TIAL1: variants seen among roughly 807,000 people sequenced by gnomAD.
The protein encoded by TIAL1 is TIA1 cytotoxic granule associated RNA binding protein like 1, also known as nucleolysin TIAR.
In TIAL1, 7 loss-of-function variants were observed where a neutral mutation model predicts 59.7. The observed-to-expected ratio is 0.12, with a 90% confidence interval of 0.07 to 0.22. The LOEUF is 0.22. TIAL1 is among the 10% of genes least tolerant of loss of function. The pLI is 1.00. For missense variants in TIAL1, 225 were observed against 462.5 expected, an observed-to-expected ratio of 0.49 and a Z score of 4.71; for synonymous variants, 149 against 146.3, an observed-to-expected ratio of 1.02 and a Z score of -0.13.
chr10:119,594,788 C>T (rs908868906), intron 1 of TIAL1, among the ~76,000 whole-genome samples: 1 of 152,146 alleles, frequency 6.6e-6, no homozygotes, highest in Non-Finnish European at 1.5e-5. Context: ...CCACGCCCAG[C>T]TAATTTTTGT....
chr10:119,580,784 G>A, intron 5 of TIAL1: 1 of 1,120,430 alleles, frequency 8.9e-7, no homozygotes, highest in African/African-American at 1.7e-5. Flanking sequence ...CTACAACTGA[G>A]TTCCAGTGTG....
chr10:119,593,511 T>G, intron 1 of TIAL1: 1 of 985,818 alleles, frequency 1.0e-6, no homozygotes, highest in Non-Finnish European at 1.2e-6. Context: ...AGCTTGTGTG[T>G]GTCTGCAGGA....
intron 2 of TIAL1, 102 bp downstream of exon 2, chr10:119,588,050 A>ATCTC: frequency 1.6e-6 from 1 of 634,844 alleles, no homozygotes. Context: ...CACAACACAA[A>ATCTC]TCTCTCCACC....
chr10:119,588,179 G>C lies in TIAL1; in HGVS notation c.102C>G (p.Pro34=), dbSNP rs1589877632. The C allele has an allele frequency of 6.3e-7, 1 of 1,593,774 alleles. No homozygotes were observed. Among genetic ancestry groups the C allele is most frequent in the East Asian group, 2.3e-5 (1 of 44,280 alleles). The part of the protein sequence containing the change: ...LILQLFSQIG[P]CKSCKMITEH... ...CTGTTATCATTTTACAGCTTTTACA[G>C]GGTCCAATCTGACTGAACAACTGAA... Residue 34 remains proline, a synonymous_variant, in exon 2 of 12, where the codon CCC becomes CCG. Coordinates refer to ENST00000436547, the MANE Select transcript of TIAL1 (RefSeq NM_003252.4).
At chr10:119,576,552 C>T (rs1747237084) in intron 11 of TIAL1, 59 bp downstream of exon 11, 6 of 1,580,150 alleles carry the variant, frequency 3.8e-6, no homozygotes, top group Middle Eastern at 1.7e-4. Context: ...GGAAAACACA[C>T]TTTTATTTAT....
At chr10:119,591,078 A>G (rs1357641507) in intron 1 of TIAL1, among the ~76,000 whole-genome samples, 1 of 152,122 alleles carries the variant, frequency 6.6e-6, no homozygotes, top group African/African-American at 2.4e-5. Flanking sequence ...TCTATATCTA[A>G]TAGTCACAAA....
At chr10:119,577,017 C>T in intron 10 of TIAL1, 63 bp downstream of exon 10, 1 of 1,580,144 alleles carries the variant, frequency 6.3e-7, no homozygotes, top group Non-Finnish European at 8.6e-7. Context: ...TACAGAGTTT[C>T]CAAAGCTTTT....
In TIAL1 at chr10:119,574,939, A is replaced by G. The variant is rs1408456659; in HGVS notation, c.*726T>C. 2.0e-5 allele frequency: 3 copies of G among 152,638 alleles called. No homozygotes were observed. Among genetic ancestry groups the G allele is most frequent in the African/African-American group, 7.2e-5 (3 of 41,446 alleles). 9.5% of individuals were successfully genotyped at this position (152,638 alleles called of 1,614,324 possible). The stretch of plus-strand genomic sequence containing the variant: ...ATGACTGTCTGACTTCAATACAAAC[A>G]CCATACTTGGATTTCCCCCCAAAAT... On this transcript the variant is annotated 3_prime_UTR_variant, in exon 12 of 12. Coordinates refer to ENST00000436547, the MANE Select transcript of TIAL1 (RefSeq NM_003252.4).
At chr10:119,585,519 G>A (rs1845527460) in intron 2 of TIAL1, among the ~76,000 whole-genome samples, 1 of 151,738 alleles carries the variant, frequency 6.6e-6, no homozygotes, top group South Asian at 2.1e-4. Flanking sequence ...TTTGTTGGAT[G>A]ACATAAATGT....
chr10:119,584,115 G>A (rs1032891376), intron 2 of TIAL1, among the ~76,000 whole-genome samples: 1 of 152,096 alleles, frequency 6.6e-6, no homozygotes. Context: ...TAGTCTACTC[G>A]TGAATACCAA....
intron 2 of TIAL1, among the ~76,000 whole-genome samples, chr10:119,587,637 AAAAG>A (rs987131714): frequency 2.6e-5 from 4 of 152,180 alleles, no homozygotes; most frequent in African/African-American, 7.2e-5. Flanking sequence ...CCAAAAAAAA[AAAAG>A]AAAGCTGATC....
At position 119,575,722 on chromosome 10, in the gene TIAL1, A is replaced by G. The variant is rs1246281503; in HGVS notation, c.1071T>C (p.Pro357=). Residue 357 remains proline (P), a synonymous_variant, in exon 12 of 12, where the codon CCT becomes CCC. Coordinates refer to ENST00000436547, the MANE Select transcript of TIAL1 (RefSeq NM_003252.4). ...AQPPQGQAPP[P]VIPPPNQAGY... is the part of the protein sequence containing the mutation. ...CGGCTTGGTTAGGAGGAGGTATTAC[A>G]GGGGGAGGAGCTTGTCCTTGGGGAG... The G allele has an allele frequency of 1.9e-6, 3 of 1,611,390 alleles. No individual in the cohort carries two copies. The highest frequency in any genetic ancestry group is 2.5e-6 in the Non-Finnish European group (3 of 1,178,860).
intron 1 of TIAL1, among the ~76,000 whole-genome samples, chr10:119,590,775 A>AGAAAGAAAGAAAGAAAGAAG (rs1845828003): frequency 1.6e-5 from 2 of 123,942 alleles, no homozygotes; most frequent in Non-Finnish European, 3.3e-5. Flanking sequence ...AAAGAAAGAA[A>AGAAAGAAAGAAAGAAAGAAG]GAAAGAAAGA....
At chr10:119,590,543 C>T (rs974593335) in intron 1 of TIAL1, among the ~76,000 whole-genome samples, 1 of 151,886 alleles carries the variant, frequency 6.6e-6, no homozygotes, top group Non-Finnish European at 1.5e-5. Flanking sequence ...AACCCTGTCT[C>T]CACAAAAAAT....
intron 6 of TIAL1, 68 bp from the exon 7 acceptor site, chr10:119,578,902 A>C: frequency 8.2e-7 from 1 of 1,221,856 alleles, no homozygotes; most frequent in Non-Finnish European, 1.2e-6. Context: ...AAGATGAAAT[A>C]AAATATCGGC....
rs749783599 is a variant in TIAL1 at position 119,580,022 on chromosome 10, A to G, written c.372-12T>C. The G allele has an allele frequency of 1.9e-6, 3 of 1,608,358 alleles. No homozygotes were observed. The Admixed American group carries it at 5.1e-5, about 27-fold the overall frequency. Reference sequence around the variant, plus strand: ...CTACCCGGGCATCCCTGTGAAAAGAAGCACAGCTAAATGAGGGAAGTAAGA... The same window carrying G: ...CTACCCGGGCATCCCTGTGAAAAGAGGCACAGCTAAATGAGGGAAGTAAGA... On this transcript the variant is annotated splice_polypyrimidine_tract_variant and intron_variant, in intron 5 of 11. Transcript: ENST00000436547.
chr10:119,588,265 T>G lies in TIAL1; in HGVS notation c.33-17A>C. On this transcript the variant is annotated splice_polypyrimidine_tract_variant and intron_variant, in intron 1 of 11. Coordinates refer to ENST00000436547, the MANE Select transcript of TIAL1 (RefSeq NM_003252.4). ...CCTACGTATCTGCACAAGAAAAAAATACGTTATCAGCAATTTTTCCTTTAG... is the reference window on the plus strand; with the variant it reads ...CCTACGTATCTGCACAAGAAAAAAAGACGTTATCAGCAATTTTTCCTTTAG... 6.6e-7 allele frequency: 1 copy of G among 1,509,556 alleles called. No homozygotes were observed. The allele number at this position is 1,509,556 out of a possible 1,614,324, so 93.5% of individuals were successfully genotyped here. A position where few individuals can be genotyped will look rare whatever the true frequency, so the allele number is the denominator to read the frequency against.
intron 1 of TIAL1, chr10:119,593,468 A>G (rs1845992766): frequency 1.0e-6 from 1 of 985,754 alleles, no homozygotes; most frequent in Non-Finnish European, 1.2e-6. Context: ...TCTAAACACC[A>G]TATTGTTTTC....
Position 119,588,168 on chromosome 10 carries a change from C to T in TIAL1, c.113G>A (p.Cys38Tyr). 6.3e-7 allele frequency: 1 copy of T among 1,577,452 alleles called. No homozygotes were observed. Among genetic ancestry groups the T allele is most frequent in the Non-Finnish European group, 8.6e-7 (1 of 1,159,854 alleles). ...AGATCTTACCTCTGTTATCATTTTA[C>T]AGCTTTTACAGGGTCCAATCTGACT... ...LFSQIGPCKS[C>Y]KMITEHTSND... Residue 38 changes from cysteine to tyrosine, a missense_variant, in exon 2 of 12, where the codon TGT becomes TAT. Cys to Tyr is a radical substitution (Grantham distance 194, BLOSUM62 -2). Coordinates refer to ENST00000436547, the MANE Select transcript of TIAL1 (RefSeq NM_003252.4).
Sources: allele counts gnomAD v4.1 joint callset (sites outside exome capture counted in the v4.1 genomes callset), GRCh38; gene constraint gnomAD v4.1.1; transcripts MANE v1.5; gene names NCBI Gene and HGNC (gene_info 2026-07-23, HGNC 2026-07-21).